The following MPP4 variants were observed in gnomAD, a reference collection of about 807,000 sequenced individuals.
MPP4 encodes the protein MAGUK p55 scaffold protein 4.
MPP4 carries 91 observed loss-of-function variants against 98.3 expected under a neutral mutation model. The observed-to-expected ratio is 0.93, with a 90% confidence interval of 0.78 to 1.10. The LOEUF is 1.10. Ranked by LOEUF, MPP4 falls within the 50% of genes least tolerant of loss-of-function variation. MPP4 has a pLI of 0.00. For missense variants in MPP4, 744 were observed against 792.9 expected (o/e 0.94, Z 0.74); for synonymous variants, 261 against 271.8 (o/e 0.96, Z 0.39).
intron 20 of MPP4, among the ~76,000 whole-genome samples, chr2:201,648,892 T>C (rs4675209): frequency 0.49 from 73,802 of 151,532 alleles, 18,029 homozygotes; most frequent in East Asian, 0.63. Context: ...GGCGAAACCC[T>C]GTCTCTACTA....
chr2:201,651,505 A>AT, intron 18 of MPP4: 1 of 985,464 alleles, frequency 1.0e-6, no homozygotes, highest in East Asian at 1.1e-4. Flanking sequence ...GAATTGATGT[A>AT]TAACTCGAGG....
Position 201,680,512 on chromosome 2 carries a change from C to T in MPP4, c.929+326G>A, listed in dbSNP as rs1185827312. Reference sequence around the variant, plus strand: ...TAACCACCTGCTAAAGGCCCCGCCTCTTAATACTATTGCATTGGGGATTAG... The same window carrying T: ...TAACCACCTGCTAAAGGCCCCGCCTTTTAATACTATTGCATTGGGGATTAG... On this transcript the variant is annotated intron_variant, in intron 10 of 21. Transcript: ENST00000409474. 4 of 216,510 alleles carry T rather than the reference C, an allele frequency of 1.8e-5. No individual in the cohort carries two copies. In the South Asian group the frequency reaches 2.9e-4, roughly 16 times the overall value. The allele number at this position is 216,510 out of a possible 1,614,324, so 13.4% of individuals were successfully genotyped here. A position where few individuals can be genotyped will look rare whatever the true frequency, so the allele number is the denominator to read the frequency against.
intron 18 of MPP4, among the ~76,000 whole-genome samples, chr2:201,653,744 C>T (rs116069411): frequency 9.2e-5 from 14 of 151,608 alleles, no homozygotes; most frequent in East Asian, 1.9e-4. Context: ...TTTTTTTGAA[C>T]GATGAATCTC....
At chr2:201,678,390 T>A (rs560644699) in intron 10 of MPP4, among the ~76,000 whole-genome samples, 2 of 152,238 alleles carry the variant, frequency 1.3e-5, no homozygotes, top group East Asian at 3.9e-4. Flanking sequence ...CCACAGCAAA[T>A]CTTCAGCAAA....
intron 14 of MPP4, 94 bp downstream of exon 14, chr2:201,663,987 T>C: frequency 1.1e-6 from 1 of 891,644 alleles, no homozygotes; most frequent in Non-Finnish European, 1.6e-6. Flanking sequence ...AATGTTGATA[T>C]ATTTAAACAG....
intron 18 of MPP4, among the ~76,000 whole-genome samples, chr2:201,654,168 G>T (rs181675509): frequency 1.3e-5 from 2 of 152,104 alleles, no homozygotes; most frequent in East Asian, 3.9e-4. Flanking sequence ...TAGAGACGGG[G>T]TTTCACCATG....
intron 12 of MPP4, among the ~76,000 whole-genome samples, chr2:201,668,467 C>T (rs1175245432): frequency 1.3e-5 from 2 of 151,420 alleles, no homozygotes; most frequent in East Asian, 3.9e-4. Flanking sequence ...CTCTTCTCTT[C>T]TCTTCTCTTC....
intron 7 of MPP4, among the ~76,000 whole-genome samples, chr2:201,684,502 G>A (rs1256010699): frequency 6.6e-6 from 1 of 152,212 alleles, no homozygotes; most frequent in East Asian, 1.9e-4. Flanking sequence ...AGGTTGCCAT[G>A]AGAATGTAAA....
At chr2:201,645,627 G>T (rs1687541032) in intron 21 of MPP4, among the ~76,000 whole-genome samples, 1 of 151,832 alleles carries the variant, frequency 6.6e-6, no homozygotes, top group African/African-American at 2.4e-5. Flanking sequence ...CTCTGTTATT[G>T]AAATAATGTG....
intron 16 of MPP4, among the ~76,000 whole-genome samples, chr2:201,657,739 G>C (rs998439338): frequency 6.6e-6 from 1 of 151,740 alleles, no homozygotes; most frequent in Non-Finnish European, 1.5e-5. Context: ...AAAGCCTGTT[G>C]GGTATCAGAG....
chr2:201,672,566 C>A (rs1403028262), intron 11 of MPP4, among the ~76,000 whole-genome samples: 1 of 151,924 alleles, frequency 6.6e-6, no homozygotes, highest in African/African-American at 2.4e-5. Context: ...ATAAAGGGGA[C>A]AACATCACCA....
At chr2:201,675,176 G>T (rs1027588219) in intron 11 of MPP4, 31 bp downstream of exon 11, 1 of 1,587,584 alleles carries the variant, frequency 6.3e-7, no homozygotes, top group Non-Finnish European at 8.6e-7. Flanking sequence ...TTGCAAACAG[G>T]AAGAACCTGT....
chr2:201,672,915 CAA>C (rs1191841449), intron 11 of MPP4, among the ~76,000 whole-genome samples: 9 of 151,944 alleles, frequency 5.9e-5, no homozygotes, highest in Non-Finnish European at 1.0e-4. Flanking sequence ...GACACACACA[CAA>C]AAAAAATTTC....
intron 18 of MPP4, chr2:201,651,961 CA>C (rs1437612511): frequency 1.3e-6 from 1 of 775,052 alleles, no homozygotes; most frequent in Non-Finnish European, 1.4e-6. Flanking sequence ...TCAAACAAAA[CA>C]AAACAAACAG....
Position 201,649,349 on chromosome 2 carries a change from CCACT to C in MPP4, c.1584+223_1584+226del, listed in dbSNP as rs895529530. ...GAAAGATTCTTGCTTCTCTTTGTGA[CCACT>C]CAATCAGTTCTGCTTTTCTGTCTGA... On this transcript the variant is annotated intron_variant, in intron 20 of 21. Transcript: ENST00000409474. 6.6e-5 allele frequency among the ~76,000 whole-genome samples: 10 copies of C among 152,316 alleles called. No individual in the cohort carries two copies. In the East Asian group the frequency reaches 1.7e-3, roughly 26 times the overall value.
At chr2:201,687,154 C>G in intron 5 of MPP4, 137 bp downstream of exon 5, 1 of 703,078 alleles carries the variant, frequency 1.4e-6, no homozygotes. Flanking sequence ...TATTTAAGTA[C>G]AATCTGTTGG....
intron 4 of MPP4, among the ~76,000 whole-genome samples, chr2:201,687,961 A>C (rs546889266): frequency 6.6e-6 from 1 of 152,204 alleles, no homozygotes; most frequent in African/African-American, 2.4e-5. Context: ...CAGAGGACAT[A>C]AGACCTTTCA....
Position 201,645,087 on chromosome 2 carries a change from T to C in MPP4, c.*123A>G. 1.2e-6 allele frequency: 1 copy of C among 853,140 alleles called. No homozygotes were observed. The highest frequency in any genetic ancestry group is 4.2e-5 in the South Asian group (1 of 24,046). The allele number at this position is 853,140 out of a possible 1,614,324, so 52.8% of individuals were successfully genotyped here. A position where few individuals can be genotyped will look rare whatever the true frequency, so the allele number is the denominator to read the frequency against. ...ATTTTTTTCAAATAAGATTAATTAA[T>C]AAATTGCTGCACTTTTAAAGTTGTA... On this transcript the variant is annotated 3_prime_UTR_variant, in exon 22 of 22. Coordinates refer to ENST00000409474, the MANE Select transcript of MPP4 (RefSeq NM_033066.3).
intron 12 of MPP4, among the ~76,000 whole-genome samples, chr2:201,667,230 T>C (rs1265934931): frequency 6.6e-6 from 1 of 152,374 alleles, no homozygotes; most frequent in East Asian, 1.9e-4. Context: ...AAGGTTGTCA[T>C]CTGCTTCTCT....
Sources: allele counts gnomAD v4.1 joint callset (sites outside exome capture counted in the v4.1 genomes callset), GRCh38; gene constraint gnomAD v4.1.1; transcripts MANE v1.5; gene names NCBI Gene and HGNC (gene_info 2026-07-23, HGNC 2026-07-21).